AKT3: variants seen among roughly 807,000 people sequenced by gnomAD.
AKT3 encodes the protein RAC-gamma serine/threonine-protein kinase.
A neutral mutation model predicts 65.3 loss-of-function variants in AKT3; 15 were observed. The ratio of observed to expected loss-of-function variants is 0.23; its 90% CI spans 0.15 to 0.35. The LOEUF (loss-of-function observed/expected upper bound fraction) is 0.35. Ranked by LOEUF, AKT3 falls within the 10% of genes least tolerant of loss-of-function variation. AKT3 has a pLI of 1.00. For missense variants in AKT3, 243 were observed against 576.5 expected (o/e 0.42, Z 5.92); for synonymous variants, 206 against 183.8 (o/e 1.12, Z -0.98).
chr1:243,850,669 G>T (rs1695745335), upstream of AKT3, among the ~76,000 whole-genome samples: 1 of 151,470 alleles, frequency 6.6e-6, no homozygotes, highest in Non-Finnish European at 1.5e-5. Context: ...GGCGACTGGC[G>T]GGAGCGGCTT....
chr1:243,688,474 G>C (rs2148001724), intron 3 of AKT3, among the ~76,000 whole-genome samples: 1 of 152,262 alleles, frequency 6.6e-6, no homozygotes, highest in Middle Eastern at 3.4e-3. Flanking sequence ...ATTTGCAAAG[G>C]AACTTTTTTT....
At chr1:243,735,029 A>T (rs912897437) in intron 2 of AKT3, 2 of 152,192 alleles carry the variant, frequency 1.3e-5, no homozygotes, top group African/African-American at 2.4e-5. Flanking sequence ...TGGGGGCAAT[A>T]ATGTGCATGG....
At chr1:243,531,789 T>G (rs1242714150) in intron 12 of AKT3, among the ~76,000 whole-genome samples, 1 of 152,218 alleles carries the variant, frequency 6.6e-6, no homozygotes, top group African/African-American at 2.4e-5. Context: ...TTTATTTCTT[T>G]CAGCAATGTT....
At chr1:243,545,451 A>C in intron 12 of AKT3, 59 bp downstream of exon 12, 1 of 949,646 alleles carries the variant, frequency 1.1e-6, no homozygotes, top group Non-Finnish European at 1.7e-6. Context: ...TTTTTGCTAT[A>C]AATTCATTTT....
chr1:243,772,832 A>G (rs1303831108), intron 2 of AKT3, among the ~76,000 whole-genome samples: 5 of 152,144 alleles, frequency 3.3e-5, no homozygotes, highest in Admixed American at 2.6e-4. Context: ...TGTGGCACAT[A>G]TACACCATGG....
chr1:243,713,951 G>A (rs1289777338), intron 2 of AKT3, among the ~76,000 whole-genome samples: 1 of 151,898 alleles, frequency 6.6e-6, no homozygotes, highest in Non-Finnish European at 1.5e-5. Flanking sequence ...CCTCTATTAT[G>A]CTAAGGGAAA....
chr1:243,624,431 T>C (rs1170434810), intron 6 of AKT3, among the ~76,000 whole-genome samples: 1 of 152,222 alleles, frequency 6.6e-6, no homozygotes, highest in Non-Finnish European at 1.5e-5. Flanking sequence ...AAGGAAATTA[T>C]AAAATGTATC....
Position 243,502,088 on chromosome 1 carries a change from T to C in AKT3, c.*3161A>G. On this transcript the variant is annotated 3_prime_UTR_variant, in exon 14 of 14. Transcript: ENST00000673466. ...TAAAGCTACAGGGAGGTAATTCAAT[T>C]ACCAATTTAGAGGTTTTCTTTTTAT... is the stretch of plus-strand genomic sequence containing the variant. 1 of 232,498 alleles carries C rather than the reference T, an allele frequency of 4.3e-6. No individual in the cohort carries two copies. The highest frequency in any genetic ancestry group is 5.6e-5 in the Admixed American group (1 of 17,774). 14.4% of individuals were successfully genotyped at this position (232,498 alleles called of 1,614,324 possible). A position where few individuals can be genotyped will look rare whatever the true frequency, so the allele number is the denominator to read the frequency against.
chr1:243,618,862 T>A (rs1490259249), intron 6 of AKT3, among the ~76,000 whole-genome samples: 3 of 145,758 alleles, frequency 2.1e-5, no homozygotes, highest in African/African-American at 4.9e-5. Flanking sequence ...TTTGAGGGAA[T>A]GAGGTGTAGG....
intron 2 of AKT3, among the ~76,000 whole-genome samples, chr1:243,781,733 T>C (rs905730659): frequency 2.6e-5 from 4 of 152,222 alleles, no homozygotes; most frequent in Non-Finnish European, 5.9e-5. Flanking sequence ...AAGGTCATAT[T>C]TTTATATTCC....
rs78355129 is a variant in AKT3, at chr1:243,800,381, A to G, written c.46+42744T>C. On this transcript the variant is annotated intron_variant, in intron 2 of 13. Coordinates refer to ENST00000673466, the MANE Select transcript of AKT3 (RefSeq NM_005465.7). ...TGTTTTCTAACTAAGAGTGTTAGCT[A>G]TAAGAGGGCCATATAATTCACCCAG... 5.2e-3 allele frequency among the ~76,000 whole-genome samples: 785 copies of G among 152,334 alleles called. 9 individuals carry two copies. The highest frequency in any genetic ancestry group is 0.018 in the African/African-American group (743 of 41,588).
At position 243,620,405 on chromosome 1, in the gene AKT3, G is replaced by A. The variant is rs1373795416; in HGVS notation, c.562-5244C>T. Among the ~76,000 whole-genome samples, 14 of 141,700 alleles carry A rather than the reference G, an allele frequency of 9.9e-5. 6 individuals are homozygous for A. Among genetic ancestry groups the A allele is most frequent in the East Asian group, 4.1e-4 (2 of 4,846 alleles). 93.0% of individuals were successfully genotyped at this position (141,700 alleles called of 152,430 possible). On this transcript the variant is annotated intron_variant, in intron 6 of 13. Coordinates refer to ENST00000673466, the MANE Select transcript of AKT3 (RefSeq NM_005465.7). The stretch of plus-strand genomic sequence containing the variant: ...ACAGATGATATCACATTGTGGTTTT[G>A]ATTTGCATTTCCCTGATGAGTAGTG...
chr1:243,743,097 G>A (rs976743613), intron 2 of AKT3, among the ~76,000 whole-genome samples: 8 of 152,104 alleles, frequency 5.3e-5, no homozygotes, highest in African/African-American at 7.2e-5. Context: ...GGAAGTGCAC[G>A]GAAGGCTCGA....
chr1:243,627,978 T>C (rs573821987), intron 6 of AKT3, among the ~76,000 whole-genome samples: 10 of 152,326 alleles, frequency 6.6e-5, no homozygotes, highest in African/African-American at 2.4e-4. Flanking sequence ...CACTCAGATA[T>C]GATTTTAGAA....
chr1:243,785,324 C>T (rs979690325), intron 2 of AKT3, among the ~76,000 whole-genome samples: 8 of 151,936 alleles, frequency 5.3e-5, no homozygotes, highest in Non-Finnish European at 8.8e-5. Flanking sequence ...GCGATCTGCC[C>T]GCCTCGGCCT....
chr1:243,570,054 C>T (rs539587799), intron 9 of AKT3, among the ~76,000 whole-genome samples: 2 of 152,122 alleles, frequency 1.3e-5, no homozygotes, highest in Non-Finnish European at 2.9e-5. Flanking sequence ...ATTAAATGAA[C>T]TTACTTTCTA....
In AKT3 at chr1:243,694,375, TA is replaced by T. The variant is rs567555749; in HGVS notation, c.172+1215del. Reference sequence around the variant, plus strand: ...TATTATTTCAGTTGACAATAGGGTTTAAAAAATAATTTTCTATTGAAAGAAA... The same window carrying T: ...TATTATTTCAGTTGACAATAGGGTTTAAAAATAATTTTCTATTGAAAGAAA... On this transcript the variant is annotated intron_variant, in intron 3 of 13. Transcript: ENST00000673466. Among the ~76,000 whole-genome samples, 226 of 152,252 alleles carry T rather than the reference TA, an allele frequency of 1.5e-3. 1 individual carries two copies. The highest frequency in any genetic ancestry group is 5.2e-3 in the African/African-American group (218 of 41,562).
At chr1:243,773,848 A>G (rs190516621) in intron 2 of AKT3, among the ~76,000 whole-genome samples, 2 of 152,344 alleles carry the variant, frequency 1.3e-5, no homozygotes, top group African/African-American at 4.8e-5. Flanking sequence ...ACAGACGTCA[A>G]TGTTTGAATT....
intron 12 of AKT3, among the ~76,000 whole-genome samples, chr1:243,540,398 G>T (rs980271202): frequency 6.6e-6 from 1 of 152,082 alleles, no homozygotes; most frequent in South Asian, 2.1e-4. Flanking sequence ...ACCCATTCAT[G>T]ATTTTAAAAA....
Sources: allele counts gnomAD v4.1 joint callset (sites outside exome capture counted in the v4.1 genomes callset), GRCh38; gene constraint gnomAD v4.1.1; transcripts MANE v1.5; gene names NCBI Gene and HGNC (gene_info 2026-07-23, HGNC 2026-07-21).